The following DLG2 variants were observed in gnomAD, a reference collection of about 807,000 sequenced individuals.
The protein encoded by DLG2 is discs large MAGUK scaffold protein 2.
DLG2 carries 45 observed loss-of-function variants against 132.5 expected under a neutral mutation model. That is an observed-to-expected ratio of 0.34 (90% confidence interval 0.27 to 0.44). DLG2 has a LOEUF of 0.44. DLG2 is among the 20% of genes least tolerant of loss of function. DLG2 has a pLI of 1.00. For synonymous variants in DLG2, 424 were observed against 419.6 expected (o/e 1.01, Z -0.13); for missense variants, 1,045 against 1,196.9 (o/e 0.87, Z 1.87).
Position 83,940,599 on chromosome 11 carries a change from T to C in DLG2, c.1341-10116A>G, listed in dbSNP as rs113943933. Reference sequence around the variant, plus strand: ...CAAACCACTAAGTGTTCTGTTGTCATTGTTTTAAACACTTTCTGTAGTATA... The same window carrying C: ...CAAACCACTAAGTGTTCTGTTGTCACTGTTTTAAACACTTTCTGTAGTATA... On this transcript the variant is annotated intron_variant, in intron 14 of 27. Coordinates refer to ENST00000376104, the MANE Select transcript of DLG2 (RefSeq NM_001142699.3). Among the ~76,000 whole-genome samples the C allele has an allele frequency of 7.8e-3, 1,191 of 152,316 alleles. 14 individuals are homozygous for C. The highest frequency in any genetic ancestry group is 0.027 in the African/African-American group (1,139 of 41,560).
intron 5 of DLG2, among the ~76,000 whole-genome samples, chr11:85,150,280 A>G (rs573882174): frequency 6.6e-6 from 1 of 152,078 alleles, no homozygotes; most frequent in South Asian, 2.1e-4. Context: ...TCAGCCTCCC[A>G]AAGTACTGGG....
intron 4 of DLG2, among the ~76,000 whole-genome samples, chr11:85,277,913 G>C (rs2077991166): frequency 6.6e-6 from 1 of 152,106 alleles, no homozygotes; most frequent in African/African-American, 2.4e-5. Context: ...GCATGATACT[G>C]CCAGTTTAAT....
intron 11 of DLG2, among the ~76,000 whole-genome samples, chr11:84,054,618 G>A (rs1218897310): frequency 6.6e-6 from 1 of 152,018 alleles, no homozygotes; most frequent in Non-Finnish European, 1.5e-5. Flanking sequence ...AATCACCAAT[G>A]AGATGATTGA....
chr11:85,413,204 A>G (rs1264742945), intron 3 of DLG2, among the ~76,000 whole-genome samples: 2 of 151,848 alleles, frequency 1.3e-5, no homozygotes, highest in African/African-American at 4.8e-5. Flanking sequence ...CCATTTGTAT[A>G]TCTTCTTTTG....
At chr11:84,749,832 T>C (rs1486897257) in intron 6 of DLG2, among the ~76,000 whole-genome samples, 3 of 152,152 alleles carry the variant, frequency 2.0e-5, no homozygotes, top group Admixed American at 1.3e-4. Context: ...CCTCTACGTG[T>C]TTAGCACTAT....
chr11:84,267,154 C>A (rs927300870), intron 7 of DLG2, among the ~76,000 whole-genome samples: 1 of 152,180 alleles, frequency 6.6e-6, no homozygotes, highest in Admixed American at 6.6e-5. Flanking sequence ...AGGTACTTAA[C>A]CCCACTAATC....
chr11:83,753,877 T>TATC (rs2093519439), intron 18 of DLG2, among the ~76,000 whole-genome samples: 1 of 54,472 alleles, frequency 1.8e-5, no homozygotes, highest in African/African-American at 5.8e-5. Flanking sequence ...ATATATATGA[T>TATC]ATATATCATA....
At chr11:84,218,351 A>T (rs1265996546) in intron 8 of DLG2, among the ~76,000 whole-genome samples, 3 of 120,578 alleles carry the variant, frequency 2.5e-5, no homozygotes, top group African/African-American at 8.7e-5. Context: ...AAGGAAGGAA[A>T]GAGAGAGCGA....
intron 4 of DLG2, among the ~76,000 whole-genome samples, chr11:85,201,819 C>T (rs77810018): frequency 0.023 from 3,401 of 150,146 alleles, 62 homozygotes; most frequent in Admixed American, 0.038. Context: ...AAAACAACTA[C>T]TTCAAGGAAG....
At chr11:85,217,318 T>A (rs10898381) in intron 4 of DLG2, among the ~76,000 whole-genome samples, 111,632 of 143,984 alleles carry the variant, frequency 0.78, 44,038 homozygotes, top group Non-Finnish European at 0.86. Flanking sequence ...TCTCTCTCTC[T>A]CACACACACA....
At chr11:85,324,912 T>C (rs973279907) in intron 3 of DLG2, among the ~76,000 whole-genome samples, 47 of 147,104 alleles carry the variant, frequency 3.2e-4, no homozygotes, top group Admixed American at 7.5e-4. Flanking sequence ...CCAGTGTGTG[T>C]GCGCACCGTG....
intron 6 of DLG2, among the ~76,000 whole-genome samples, chr11:85,095,353 A>C (rs903803214): frequency 1.3e-5 from 2 of 152,248 alleles, no homozygotes; most frequent in African/African-American, 4.8e-5. Context: ...TGTGAAATTC[A>C]GTAAAGTGAA....
At chr11:83,529,977 G>A (rs2095697263) in intron 21 of DLG2, among the ~76,000 whole-genome samples, 1 of 152,018 alleles carries the variant, frequency 6.6e-6, no homozygotes, top group African/African-American at 2.4e-5. Flanking sequence ...GAGCTCTTGG[G>A]GAAAAGGGCC....
chr11:83,680,881 G>GA (rs5793077), intron 18 of DLG2, among the ~76,000 whole-genome samples: 50,900 of 151,754 alleles, frequency 0.34, 8,790 homozygotes, highest in African/African-American at 0.39. Context: ...AGTCTTTGGT[G>GA]AAAAAAATGC....
intron 7 of DLG2, among the ~76,000 whole-genome samples, chr11:84,457,143 A>C (rs1293843676): frequency 6.6e-6 from 1 of 151,212 alleles, no homozygotes; most frequent in Non-Finnish European, 1.5e-5. Flanking sequence ...AAAGTTTCTA[A>C]TCTTGTTGAG....
At chr11:83,977,717 A>G (rs916842733) in intron 12 of DLG2, among the ~76,000 whole-genome samples, 1 of 152,108 alleles carries the variant, frequency 6.6e-6, no homozygotes, top group Non-Finnish European at 1.5e-5. Flanking sequence ...GCTTTTGCAC[A>G]ATGCTCTCAA....
intron 18 of DLG2, among the ~76,000 whole-genome samples, chr11:83,660,337 C>A (rs181886535): frequency 1.1e-4 from 16 of 152,312 alleles, no homozygotes; most frequent in African/African-American, 1.9e-4. Flanking sequence ...ATGTGACCCA[C>A]AATTATGTTC....
At chr11:83,486,496 A>G (rs112494630) in intron 21 of DLG2, among the ~76,000 whole-genome samples, 2 of 152,230 alleles carry the variant, frequency 1.3e-5, no homozygotes, top group African/African-American at 4.8e-5. Context: ...CATCATTTAA[A>G]TGGTCTCAAG....
intron 7 of DLG2, among the ~76,000 whole-genome samples, chr11:84,297,691 A>G (rs1310775319): frequency 1.3e-5 from 2 of 151,986 alleles, no homozygotes; most frequent in African/African-American, 2.4e-5. Context: ...AAGGAGTCCA[A>G]TGGCTTTTTG....
Sources: gnomAD v4.1 joint callset for allele counts (sites outside exome capture counted in the v4.1 genomes callset) on GRCh38, gnomAD v4.1.1 for gene constraint, MANE v1.5 for transcripts, NCBI Gene and HGNC (gene_info 2026-07-23, HGNC 2026-07-21) for gene names.